KLF17: variants seen among roughly 807,000 people sequenced by gnomAD.
KLF17 encodes the protein KLF transcription factor 17.
KLF17 carries 31 observed loss-of-function variants against 34.2 expected under a neutral mutation model. The observed-to-expected ratio is 0.91, with a 90% CI of 0.68 to 1.22. The LOEUF is 1.22. Ranked by LOEUF, KLF17 falls within the 50% of genes most tolerant of loss-of-function variation. The pLI is 0.00. For synonymous variants in KLF17, 179 were observed against 186.7 expected (o/e 0.96, Z 0.34); for missense variants, 478 against 505.2 (o/e 0.95, Z 0.52).
intron 1 of KLF17, among the ~76,000 whole-genome samples, chr1:44,123,387 G>A (rs1007451396): frequency 1.3e-5 from 2 of 152,006 alleles, no homozygotes; most frequent in African/African-American, 4.8e-5. Flanking sequence ...ATTTTATCCA[G>A]GTTGTCCAAT....
the KLF17 span, among the ~76,000 whole-genome samples, chr1:44,089,890 G>A: frequency 3.3e-5 from 5 of 152,090 alleles, no homozygotes; most frequent in African/African-American, 7.2e-5. Context: ...GGATGGGTGC[G>A]GTGACTCATG....
At chr1:44,099,913 G>GAAAGA in the KLF17 span, among the ~76,000 whole-genome samples, 57 of 57,636 alleles carry the variant, frequency 9.9e-4, 2 homozygotes, top group African/African-American at 2.7e-3. Context: ...AAGAAAGAAA[G>GAAAGA]AAAGAAAAGA....
the KLF17 span, among the ~76,000 whole-genome samples, chr1:44,067,482 G>A: frequency 6.6e-6 from 1 of 152,166 alleles, no homozygotes; most frequent in African/African-American, 2.4e-5. Context: ...TGATTTATGA[G>A]AGGAGTCCTC....
At chr1:44,130,257 G>C (rs2088091820) in intron 2 of KLF17, 61 bp downstream of exon 2, 1 of 1,545,004 alleles carries the variant, frequency 6.5e-7, no homozygotes, top group Non-Finnish European at 8.7e-7. Context: ...ATTTGTCCTG[G>C]GCCACTGGTG....
the KLF17 span, among the ~76,000 whole-genome samples, chr1:44,111,349 TG>T: frequency 1.3e-5 from 2 of 152,148 alleles, no homozygotes; most frequent in Non-Finnish European, 2.9e-5. Flanking sequence ...TTCCCATGGA[TG>T]TTTTTATGTC....
At chr1:44,087,761 TATATATATACAC>T in the KLF17 span, among the ~76,000 whole-genome samples, 113 of 56,400 alleles carry the variant, frequency 2.0e-3, no homozygotes, top group Middle Eastern at 7.8e-3. Flanking sequence ...TATATATATA[TATATATATACAC>T]ACACACACAC....
chr1:44,070,957 G>C, the KLF17 span, among the ~76,000 whole-genome samples: 1 of 152,018 alleles, frequency 6.6e-6, no homozygotes, highest in Non-Finnish European at 1.5e-5. Flanking sequence ...AACTCACTTT[G>C]TATTACTTGT....
chr1:44,051,346 G>T, the KLF17 span: 1 of 152,262 alleles, frequency 6.6e-6, no homozygotes, highest in African/African-American at 2.4e-5. Context: ...GCCTCATGTA[G>T]GATCCGGCAG....
chr1:44,051,887 C>T, the KLF17 span, among the ~76,000 whole-genome samples: 1 of 152,034 alleles, frequency 6.6e-6, no homozygotes, highest in Admixed American at 6.5e-5. Flanking sequence ...TGAGGGGACC[C>T]TTGTTGGCTG....
chr1:44,129,344 T>C lies in KLF17; in HGVS notation c.82-9T>C. The C allele has an allele frequency of 1.3e-6, 2 of 1,505,680 alleles. No homozygotes were observed. The highest frequency in any genetic ancestry group is 1.8e-6 in the Non-Finnish European group (2 of 1,127,542). The allele number at this position is 1,505,680 out of a possible 1,614,324, so 93.3% of individuals were successfully genotyped here. ...TTGAGCAAAAATCACCTGACTCTTT[T>C]TCCCCAAGGATAACGAGAACTCAGC... On this transcript the variant is annotated splice_polypyrimidine_tract_variant and intron_variant, in intron 1 of 3. Transcript: ENST00000372299.
the KLF17 span, among the ~76,000 whole-genome samples, chr1:44,111,403 T>G: frequency 2.0e-5 from 3 of 152,144 alleles, no homozygotes; most frequent in Non-Finnish European, 4.4e-5. Flanking sequence ...TTTCTACTAT[T>G]TTGCATGTTT....
the KLF17 span, among the ~76,000 whole-genome samples, chr1:44,072,086 C>T: frequency 6.6e-6 from 1 of 151,750 alleles, no homozygotes; most frequent in African/African-American, 2.4e-5. Flanking sequence ...TGGTAAGATT[C>T]TGAACATATT....
chr1:44,129,612 G>C lies in KLF17; in HGVS notation c.341G>C (p.Cys114Ser). 1 of 1,614,052 alleles carries C rather than the reference G, an allele frequency of 6.2e-7. No homozygotes were observed. The highest frequency in any genetic ancestry group is 1.7e-5 in the Admixed American group (1 of 60,004). The change falls in exon 2 of 4, where the codon TGT becomes TCT. Residue 114 changes from cysteine to serine, a missense_variant. Coordinates refer to ENST00000372299, the MANE Select transcript of KLF17 (RefSeq NM_173484.4). ...CTCACTCCTTCCCGGATGATTTACTGTCAGAGAATGTCTCCCCCTCAGCAA... is the reference window on the plus strand; with the variant it reads ...CTCACTCCTTCCCGGATGATTTACTCTCAGAGAATGTCTCCCCCTCAGCAA... ...ATLTPSRMIY[C>S]QRMSPPQQEM...
At chr1:44,112,264 G>A in the KLF17 span, among the ~76,000 whole-genome samples, 3 of 152,194 alleles carry the variant, frequency 2.0e-5, 1 homozygote, top group Middle Eastern at 0.01. Flanking sequence ...TATAATTTAC[G>A]ATGAAGTCTA....
At chr1:44,124,069 T>G (rs1293896543) in intron 1 of KLF17, among the ~76,000 whole-genome samples, 2 of 152,186 alleles carry the variant, frequency 1.3e-5, no homozygotes, top group Non-Finnish European at 1.5e-5. Flanking sequence ...GAGTGTTCTG[T>G]GTATGTCTGT....
chr1:44,080,527 A>C, the KLF17 span, among the ~76,000 whole-genome samples: 387 of 152,094 alleles, frequency 2.5e-3, no homozygotes, highest in South Asian at 5.8e-3. Context: ...CGTGAGCCAC[A>C]GCACCAGGCT....
At chr1:44,077,697 T>A in the KLF17 span, among the ~76,000 whole-genome samples, 1 of 152,220 alleles carries the variant, frequency 6.6e-6, no homozygotes, top group East Asian at 1.9e-4. Context: ...TTTCTCCGTG[T>A]GATCTCTGCT....
chr1:44,118,707 AGGGTGGGTGGCAGCCTG>A (rs1373361432), upstream of KLF17: 1 of 345,332 alleles, frequency 2.9e-6, no homozygotes, highest in Non-Finnish European at 4.9e-6. Flanking sequence ...GGGCATGGTG[AGGGTGGGTGGCAGCCTG>A]GGGCAGGGCT....
the KLF17 span, among the ~76,000 whole-genome samples, chr1:44,070,662 G>A: frequency 7.8e-6 from 1 of 128,276 alleles, no homozygotes; most frequent in Non-Finnish European, 1.6e-5. Flanking sequence ...GCAGGGGCAT[G>A]ATCACACTGT....
Sources: allele counts gnomAD v4.1 joint callset (sites outside exome capture counted in the v4.1 genomes callset), GRCh38; gene constraint gnomAD v4.1.1; transcripts MANE v1.5; gene names NCBI Gene and HGNC (gene_info 2026-07-23, HGNC 2026-07-21).